The following ADCY8 variants were observed in gnomAD, a reference collection of about 807,000 sequenced individuals.
ADCY8 encodes adenylate cyclase type 8.
In ADCY8, 51 loss-of-function variants were observed where a neutral mutation model predicts 119.7. That is an observed-to-expected ratio of 0.43 (90% CI 0.34 to 0.54). ADCY8 has a LOEUF of 0.54. Among genes scored for constraint, ADCY8 ranks in the 20% least tolerant of loss-of-function variants. The probability of loss-of-function intolerance (pLI) is 0.03; values close to 1 mark genes in which losing one functional copy is unlikely to be tolerated. For missense variants in ADCY8, 1,383 were observed against 1,598.8 expected, an observed-to-expected ratio of 0.87 and a Z score of 2.30; for synonymous variants, 665 against 651.0, an observed-to-expected ratio of 1.02 and a Z score of -0.33.
intron 14 of ADCY8, among the ~76,000 whole-genome samples, chr8:130,813,810 TAC>T (rs899575731): frequency 2.0e-5 from 3 of 152,116 alleles, no homozygotes; most frequent in Admixed American, 6.5e-5. Flanking sequence ...TACATATATA[TAC>T]ACACACACAT....
intron 12 of ADCY8, among the ~76,000 whole-genome samples, chr8:130,822,857 A>G (rs949876823): frequency 2.6e-5 from 4 of 152,200 alleles, no homozygotes; most frequent in African/African-American, 7.2e-5. Context: ...GTATACCTCT[A>G]TAATTGTGAG....
At chr8:130,873,097 G>A (rs1408677749) in intron 8 of ADCY8, among the ~76,000 whole-genome samples, 1 of 152,202 alleles carries the variant, frequency 6.6e-6, no homozygotes, top group African/African-American at 2.4e-5. Context: ...TTCGTTTACA[G>A]AGGTGATGGA....
intron 3 of ADCY8, among the ~76,000 whole-genome samples, chr8:130,943,672 G>A (rs1290668570): frequency 6.6e-6 from 1 of 152,136 alleles, no homozygotes; most frequent in Admixed American, 6.5e-5. Flanking sequence ...GAAGGACAAG[G>A]GGACAACAGG....
At chr8:130,893,657 GGTGTGTGTGTGTGT>G (rs113157821) in intron 7 of ADCY8, among the ~76,000 whole-genome samples, 33 of 148,996 alleles carry the variant, frequency 2.2e-4, no homozygotes, top group Admixed American at 8.7e-4. Context: ...GGGAGAAGAA[GGTGTGTGTGTGTGT>G]GTGTGTGTGT....
At chr8:130,877,301 G>A (rs752294040) in intron 8 of ADCY8, among the ~76,000 whole-genome samples, 1 of 152,212 alleles carries the variant, frequency 6.6e-6, no homozygotes. Flanking sequence ...CAGAGTGTAA[G>A]TTCCCAGGGC....
At chr8:130,854,789 G>T (rs917330379) in intron 9 of ADCY8, among the ~76,000 whole-genome samples, 17 of 148,406 alleles carry the variant, frequency 1.1e-4, no homozygotes, top group Non-Finnish European at 2.4e-4. Flanking sequence ...CCCAGTGCCT[G>T]CCTCTTTCCC....
intron 13 of ADCY8, among the ~76,000 whole-genome samples, chr8:130,815,820 A>T (rs1303662701): frequency 2.0e-5 from 3 of 152,218 alleles, no homozygotes; most frequent in Non-Finnish European, 4.4e-5. Flanking sequence ...AACATCAGTG[A>T]CCAGGCAGGG....
chr8:130,802,482 T>C (rs1323192948), intron 14 of ADCY8, among the ~76,000 whole-genome samples: 2 of 152,218 alleles, frequency 1.3e-5, no homozygotes, highest in East Asian at 1.9e-4. Context: ...CTATTAAAGA[T>C]ACACTATTGA....
intron 1 of ADCY8, among the ~76,000 whole-genome samples, chr8:131,026,901 A>T (rs1823840025): frequency 6.6e-6 from 1 of 152,184 alleles, no homozygotes; most frequent in African/African-American, 2.4e-5. Flanking sequence ...TATTATTATT[A>T]TTCCCATTTT....
At chr8:130,782,602 T>C (rs1325938842) in intron 17 of ADCY8, among the ~76,000 whole-genome samples, 1 of 152,264 alleles carries the variant, frequency 6.6e-6, no homozygotes, top group East Asian at 1.9e-4. Flanking sequence ...ATATCTCTGT[T>C]CAGCATTACA....
At chr8:131,000,847 G>A (rs2130761667) in intron 1 of ADCY8, among the ~76,000 whole-genome samples, 1 of 152,126 alleles carries the variant, frequency 6.6e-6, no homozygotes, top group South Asian at 2.1e-4. Flanking sequence ...CGCACCTTGG[G>A]AAGGAGGTGC....
At chr8:131,009,510 G>T (rs1036223560) in intron 1 of ADCY8, among the ~76,000 whole-genome samples, 1 of 152,186 alleles carries the variant, frequency 6.6e-6, no homozygotes, top group African/African-American at 2.4e-5. Context: ...CTGCCACCCT[G>T]TGAAGAGGTG....
intron 5 of ADCY8, among the ~76,000 whole-genome samples, chr8:130,928,304 C>T (rs956748404): frequency 2.0e-5 from 3 of 152,148 alleles, no homozygotes; most frequent in African/African-American, 7.2e-5. Flanking sequence ...TACTCCTGAC[C>T]TCAAGCTATC....
rs1815160880 is a variant in ADCY8 at position 130,783,697 on chromosome 8, G to A, written c.3262C>T (p.Arg1088Trp). 2.5e-6 allele frequency: 4 copies of A among 1,612,184 alleles called. No individual in the cohort carries two copies. The highest frequency in any genetic ancestry group is 1.1e-5 in the South Asian group (1 of 90,742). ...ACCTGCAGCTGCTACTCACCAATCCGGAGTTCAAAATTGTTGAATGAATGC... is the reference window on the plus strand; with the variant it reads ...ACCTGCAGCTGCTACTCACCAATCCAGAGTTCAAAATTGTTGAATGAATGC... ...NKHSFNNFEL[R>W]IGISHGSVVA... The change falls in exon 17 of 18, where the codon CGG (arginine) becomes TGG (tryptophan). Residue 1088 changes from arginine (R) to tryptophan (W), a missense_variant. Coordinates refer to ENST00000286355, the MANE Select transcript of ADCY8 (RefSeq NM_001115.3).
At chr8:130,783,621 A>C (rs1586406866) in intron 17 of ADCY8, 70 bp downstream of exon 17, 1 of 1,107,644 alleles carries the variant, frequency 9.0e-7, no homozygotes, top group East Asian at 2.4e-5. Flanking sequence ...ATTGATGCCC[A>C]AGGCAGGGGA....
In ADCY8 at chr8:130,834,688, A is replaced by G. The variant is rs193249496; in HGVS notation, c.2675+1589T>C. Among the ~76,000 whole-genome samples the G allele has an allele frequency of 1.2e-3, 178 of 152,338 alleles. 1 individual carries two copies. Among genetic ancestry groups the G allele is most frequent in the Non-Finnish European group, 1.7e-3 (119 of 68,032 alleles). ...TATTTCATATGTACAGACAACAACTAAAATGAAATCCATATATATCAACCT... is the reference window on the plus strand; with the variant it reads ...TATTTCATATGTACAGACAACAACTGAAATGAAATCCATATATATCAACCT... On this transcript the variant is annotated intron_variant, in intron 12 of 17. Coordinates refer to ENST00000286355, the MANE Select transcript of ADCY8 (RefSeq NM_001115.3).
At position 131,008,689 on chromosome 8, in the gene ADCY8, G is replaced by A. The variant is rs138983544; in HGVS notation, c.961-18147C>T. 4.6e-3 allele frequency among the ~76,000 whole-genome samples: 703 copies of A among 152,318 alleles called. 9 individuals are homozygous for A. The highest frequency in any genetic ancestry group is 0.016 in the African/African-American group (654 of 41,554). ...AATGTGGACGTGACTTTGGAACTGG[G>A]TTACAGGCAGAGGTTGGAAAAGTTT... On this transcript the variant is annotated intron_variant, in intron 1 of 17. Transcript: ENST00000286355.
intron 14 of ADCY8, among the ~76,000 whole-genome samples, chr8:130,801,747 T>A (rs1243963043): frequency 6.6e-6 from 1 of 152,134 alleles, no homozygotes; most frequent in Non-Finnish European, 1.5e-5. Context: ...GCAGTCAAAG[T>A]GGAAAAATCA....
intron 3 of ADCY8, 35 bp from the exon 4 acceptor site, chr8:130,943,497 G>GGGGCCGGCCCCCCCC: frequency 2.0e-6 from 1 of 491,356 alleles, no homozygotes; most frequent in Non-Finnish European, 4.2e-6. Context: ...GTGGGGGGAG[G>GGGGCCGGCCCCCCCC]AAGTATATTA....
Sources: allele counts gnomAD v4.1 joint callset (sites outside exome capture counted in the v4.1 genomes callset), GRCh38; gene constraint gnomAD v4.1.1; transcripts MANE v1.5; gene names NCBI Gene and HGNC (gene_info 2026-07-23, HGNC 2026-07-21).